Variants in ATP10B observed in about 807,000 individuals in gnomAD.
ATP10B encodes phospholipid-transporting ATPase VB.
ATP10B carries 122 observed loss-of-function variants against 141.2 expected under a neutral mutation model. The observed-to-expected ratio is 0.86, with a 90% CI of 0.75 to 1.00. The LOEUF is 1.00. ATP10B is among the 50% of genes least tolerant of loss of function. The pLI is 0.00. For synonymous variants in ATP10B, 685 were observed against 692.0 expected (o/e 0.99, Z 0.16); for missense variants, 1,876 against 1,825.3 (o/e 1.03, Z -0.51).
chr5:160,825,617 C>T (rs1774536798), intron 1 of ATP10B, among the ~76,000 whole-genome samples: 1 of 152,176 alleles, frequency 6.6e-6, no homozygotes, highest in South Asian at 2.1e-4. Flanking sequence ...ATTTATTTCA[C>T]CAATGCCATT....
chr5:160,638,008 AG>A (rs550637104), intron 10 of ATP10B, among the ~76,000 whole-genome samples: 1 of 152,202 alleles, frequency 6.6e-6, no homozygotes, highest in African/African-American at 2.4e-5. Context: ...GGAGGACTTG[AG>A]GGGGTCCTGG....
intron 7 of ATP10B, among the ~76,000 whole-genome samples, chr5:160,651,942 C>G (rs991054395): frequency 6.6e-6 from 1 of 152,152 alleles, no homozygotes; most frequent in African/African-American, 2.4e-5. Flanking sequence ...TGATCCACAC[C>G]ACTCAGCTCA....
chr5:160,773,774 C>G (rs115633661), intron 2 of ATP10B, among the ~76,000 whole-genome samples: 14 of 152,094 alleles, frequency 9.2e-5, no homozygotes, highest in Middle Eastern at 3.2e-3. Context: ...TCTGTTCCAC[C>G]GAGCAGTTAC....
intron 2 of ATP10B, among the ~76,000 whole-genome samples, chr5:160,773,048 C>T (rs1244622003): frequency 7.2e-6 from 1 of 138,528 alleles, no homozygotes; most frequent in Non-Finnish European, 1.6e-5. Flanking sequence ...AAATCAGGAA[C>T]ACCAAGGGTG....
At chr5:160,716,337 C>T (rs1475697109) in intron 3 of ATP10B, among the ~76,000 whole-genome samples, 1 of 152,110 alleles carries the variant, frequency 6.6e-6, no homozygotes, top group Non-Finnish European at 1.5e-5. Context: ...CTTTGCATGT[C>T]AATATTAATT....
intron 1 of ATP10B, among the ~76,000 whole-genome samples, chr5:160,789,535 G>A (rs538847565): frequency 1.1e-4 from 16 of 152,132 alleles, no homozygotes; most frequent in Admixed American, 3.9e-4. Flanking sequence ...ATAAAAATAT[G>A]GTAGTAAAAT....
At chr5:160,913,183 A>G in the ATP10B span, among the ~76,000 whole-genome samples, 1 of 152,358 alleles carries the variant, frequency 6.6e-6, no homozygotes, top group Non-Finnish European at 1.5e-5. Context: ...AATGGGAATT[A>G]AAAGATTCCA....
intron 10 of ATP10B, among the ~76,000 whole-genome samples, chr5:160,637,240 T>C (rs918578630): frequency 6.6e-6 from 1 of 151,238 alleles, no homozygotes; most frequent in African/African-American, 2.4e-5. Context: ...ATTCATCCAT[T>C]CATCCATCCA....
At chr5:160,829,122 T>G (rs140958637) in intron 1 of ATP10B, among the ~76,000 whole-genome samples, 4,675 of 150,802 alleles carry the variant, frequency 0.031, 252 homozygotes, top group African/African-American at 0.11. Context: ...ATGAGTTAAT[T>G]GGTACAGCAC....
the ATP10B span, among the ~76,000 whole-genome samples, chr5:160,901,731 T>C: frequency 2.6e-5 from 4 of 152,300 alleles, no homozygotes; most frequent in South Asian, 8.3e-4. Context: ...TAGGTATTCA[T>C]TGAATATTTG....
At chr5:160,914,339 A>G in the ATP10B span, among the ~76,000 whole-genome samples, 4 of 152,206 alleles carry the variant, frequency 2.6e-5, no homozygotes, top group African/African-American at 9.6e-5. Flanking sequence ...TGAACCAACT[A>G]TAGTCATCCC....
intron 1 of ATP10B, among the ~76,000 whole-genome samples, chr5:160,832,127 T>C (rs1775123731): frequency 6.6e-6 from 1 of 152,054 alleles, no homozygotes; most frequent in Non-Finnish European, 1.5e-5. Flanking sequence ...ATCATAATAA[T>C]GCCACAGAGC....
intron 18 of ATP10B, 39 bp from the exon 19 acceptor site, chr5:160,607,125 C>T: frequency 2.0e-6 from 3 of 1,531,468 alleles, no homozygotes; most frequent in South Asian, 1.2e-5. Context: ...TGTAAGCAAC[C>T]TTGGAAATGC....
chr5:160,674,530 T>G (rs1199846791), intron 6 of ATP10B, among the ~76,000 whole-genome samples: 1 of 152,214 alleles, frequency 6.6e-6, no homozygotes, highest in Non-Finnish European at 1.5e-5. Context: ...AGGTCACTGC[T>G]CTACTGGTTA....
chr5:160,925,956 G>A, the ATP10B span, among the ~76,000 whole-genome samples: 1 of 152,200 alleles, frequency 6.6e-6, no homozygotes, highest in African/African-American at 2.4e-5. Flanking sequence ...GCCTGGTAAT[G>A]TCAACTGATG....
rs1351567264 is a variant in ATP10B at position 160,822,989 on chromosome 5, CATATATATATACATATATATAT to C, written c.-576+28930_-576+28951del. On this transcript the variant is annotated intron_variant, in intron 1 of 25. Coordinates refer to ENST00000327245, the MANE Select transcript of ATP10B (RefSeq NM_025153.3). ...TGACTATAGTAAAAAATTACATATA[CATATATATATACATATATATAT>C]ATATATATATATATATATATATATA... is the stretch of plus-strand genomic sequence containing the variant. 1.7e-3 allele frequency among the ~76,000 whole-genome samples: 120 copies of C among 69,712 alleles called. 2 individuals carry two copies. Among genetic ancestry groups the C allele is most frequent in the South Asian group, 4.0e-3 (9 of 2,230 alleles). The allele number at this position is 69,712 out of a possible 152,430, so 45.7% of individuals were successfully genotyped here. A position where few individuals can be genotyped will look rare whatever the true frequency, so the allele number is the denominator to read the frequency against.
chr5:160,751,580 CA>C (rs1768151906), intron 2 of ATP10B, among the ~76,000 whole-genome samples: 2 of 151,882 alleles, frequency 1.3e-5, no homozygotes, highest in African/African-American at 4.8e-5. Context: ...CCTAATCACC[CA>C]AAGGACTGGT....
chr5:160,719,871 G>T (rs536174563), intron 2 of ATP10B, among the ~76,000 whole-genome samples: 56 of 152,270 alleles, frequency 3.7e-4, no homozygotes, highest in African/African-American at 1.3e-3. Flanking sequence ...GATTATAAAA[G>T]ACCCAGGCAG....
chr5:160,707,052 G>A (rs1765060005), intron 3 of ATP10B, among the ~76,000 whole-genome samples: 1 of 152,104 alleles, frequency 6.6e-6, no homozygotes, highest in Non-Finnish European at 1.5e-5. Flanking sequence ...CCAGGTTCAA[G>A]CAATTCTCCC....
Sources: gnomAD v4.1 joint callset for allele counts (sites outside exome capture counted in the v4.1 genomes callset) on GRCh38, gnomAD v4.1.1 for gene constraint, MANE v1.5 for transcripts, NCBI Gene and HGNC (gene_info 2026-07-23, HGNC 2026-07-21) for gene names.